The following ARAP2 variants were observed in gnomAD, a reference collection of about 807,000 sequenced individuals.
ARAP2 encodes the protein arf-GAP with Rho-GAP domain, ANK repeat and PH domain-containing protein 2.
Under a neutral mutation model 194.5 loss-of-function variants are expected in ARAP2, and 148 were observed. The observed-to-expected ratio is 0.76, with a 90% confidence interval of 0.67 to 0.87. The LOEUF is 0.87. Among genes scored for constraint, ARAP2 ranks in the 40% least tolerant of loss-of-function variants. The probability of loss-of-function intolerance (pLI) is 0.00; values close to 1 mark genes in which losing one functional copy is unlikely to be tolerated. For synonymous variants in ARAP2, 695 were observed against 683.5 expected (o/e 1.02, Z -0.26); for missense variants, 2,128 against 1,989.7 (o/e 1.07, Z -1.32).
chr4:36,072,690 C>CCCCAAAAAAACA (rs1727307373), intron 32 of ARAP2, among the ~76,000 whole-genome samples: 1 of 141,222 alleles, frequency 7.1e-6, no homozygotes, highest in East Asian at 2.0e-4. Flanking sequence ...CCAAAAAAAA[C>CCCCAAAAAAACA]AAAAAAAAAA....
Position 36,068,192 on chromosome 4 carries a change from G to A in ARAP2, c.4830C>T (p.Ser1610=). Residue 1610 remains serine (S), a synonymous_variant, in exon 33 of 33, where the codon TCC becomes TCT. Coordinates refer to ENST00000303965, the MANE Select transcript of ARAP2 (RefSeq NM_015230.4). ...TGTGCTCCAGGCAGTGGGCCACCAT[G>A]GAAGCTCTCTCCTTTAAGCTAGAGT... is the stretch of plus-strand genomic sequence containing the variant. ...SVDSSLKERA[S]MVAHCLEHKD... The A allele has an allele frequency of 6.2e-7, 1 of 1,613,864 alleles. No homozygotes were observed. Among genetic ancestry groups the A allele is most frequent in the African/African-American group, 1.3e-5 (1 of 75,020 alleles).
At chr4:36,122,291 C>A (rs1035489552) in intron 22 of ARAP2, among the ~76,000 whole-genome samples, 1 of 151,706 alleles carries the variant, frequency 6.6e-6, no homozygotes, top group African/African-American at 2.4e-5. Context: ...GAATATAAAT[C>A]ATTATATTAT....
At chr4:36,217,802 A>T (rs770833430) in intron 2 of ARAP2, among the ~76,000 whole-genome samples, 1 of 151,426 alleles carries the variant, frequency 6.6e-6, no homozygotes, top group Non-Finnish European at 1.5e-5. Flanking sequence ...AATACTAGAT[A>T]TATGATAATA....
chr4:36,070,524 G>C (rs1726593289), intron 32 of ARAP2, among the ~76,000 whole-genome samples: 1 of 152,204 alleles, frequency 6.6e-6, no homozygotes. Flanking sequence ...GTCTCTCCCA[G>C]TGGCAGACAG....
chr4:36,180,445 A>G (rs977909846), intron 8 of ARAP2, among the ~76,000 whole-genome samples: 3 of 152,230 alleles, frequency 2.0e-5, no homozygotes, highest in Non-Finnish European at 4.4e-5. Flanking sequence ...TTCCATCTAC[A>G]TAAACAGATC....
intron 19 of ARAP2, among the ~76,000 whole-genome samples, chr4:36,145,177 G>T (rs1463282293): frequency 6.6e-6 from 1 of 151,584 alleles, no homozygotes; most frequent in Non-Finnish European, 1.5e-5. Context: ...CCACTACTAG[G>T]TATCTATCCA....
At chr4:36,092,822 T>C (rs905076281) in intron 27 of ARAP2, among the ~76,000 whole-genome samples, 1 of 152,066 alleles carries the variant, frequency 6.6e-6, no homozygotes, top group Non-Finnish European at 1.5e-5. Flanking sequence ...GTATAAACAA[T>C]GCAAATGCGC....
intron 5 of ARAP2, among the ~76,000 whole-genome samples, chr4:36,042,537 C>A (rs35267758): frequency 0.073 from 11,178 of 152,218 alleles, 564 homozygotes; most frequent in Middle Eastern, 0.19. Context: ...AAAGATTAGG[C>A]ACTTGTAACT....
intron 26 of ARAP2, among the ~76,000 whole-genome samples, chr4:36,112,479 A>G (rs759414346): frequency 4.6e-5 from 7 of 151,978 alleles, no homozygotes; most frequent in Non-Finnish European, 1.0e-4. Context: ...TGTAATGTGG[A>G]AAGATATTTC....
chr4:36,042,610 T>C (rs527449952), intron 5 of ARAP2, among the ~76,000 whole-genome samples: 5 of 152,336 alleles, frequency 3.3e-5, no homozygotes, highest in African/African-American at 1.2e-4. Flanking sequence ...TCCTACACTG[T>C]TTCTATTTTT....
chr4:36,128,475 T>TAC (rs1384155506), intron 21 of ARAP2, 58 bp downstream of exon 21: 6 of 256,430 alleles, frequency 2.3e-5, no homozygotes, highest in Non-Finnish European at 3.2e-5. Flanking sequence ...TGGTCTATAT[T>TAC]ATACACACAC....
chr4:36,111,115 A>G (rs903235848), intron 26 of ARAP2, among the ~76,000 whole-genome samples: 1 of 152,022 alleles, frequency 6.6e-6, no homozygotes, highest in African/African-American at 2.4e-5. Flanking sequence ...CTTAAAATCT[A>G]GCATTCTGGC....
chr4:36,221,176 C>T (rs949425353), intron 2 of ARAP2, among the ~76,000 whole-genome samples: 1 of 152,012 alleles, frequency 6.6e-6, no homozygotes, highest in African/African-American at 2.4e-5. Context: ...GAAGAGTAGG[C>T]TCTACCATAT....
intron 9 of ARAP2, 106 bp downstream of exon 9, chr4:36,177,721 T>C (rs4832797): frequency 0.91 from 1,094,314 of 1,205,934 alleles, 497,073 homozygotes; most frequent in East Asian, 1. Flanking sequence ...TACACAATGC[T>C]AAAACAAGAC....
chr4:36,014,272 A>C (rs901879994), intron 8 of ARAP2, among the ~76,000 whole-genome samples: 1 of 145,588 alleles, frequency 6.9e-6, no homozygotes, highest in African/African-American at 2.6e-5. Context: ...AAAGAAAGAA[A>C]GAAAGAAAGA....
chr4:36,080,396 A>G, intron 30 of ARAP2, 117 bp from the exon 31 acceptor site: 2 of 742,184 alleles, frequency 2.7e-6, no homozygotes, highest in Non-Finnish European at 2.3e-6. Flanking sequence ...TTAATGACGT[A>G]ATGCAATCAC....
intron 3 of ARAP2, among the ~76,000 whole-genome samples, chr4:36,214,094 C>T (rs73128489): frequency 0.047 from 7,118 of 152,136 alleles, 257 homozygotes; most frequent in African/African-American, 0.11. Flanking sequence ...AATCACTTTC[C>T]GTACATATAT....
intron 31 of ARAP2, among the ~76,000 whole-genome samples, chr4:36,079,425 T>C (rs892286694): frequency 2.0e-5 from 3 of 152,098 alleles, no homozygotes; most frequent in African/African-American, 7.2e-5. Context: ...TTATTTCTTA[T>C]AAGGGAAACA....
In ARAP2 at chr4:36,176,643, G is replaced by A. The variant is rs185679365; in HGVS notation, c.1857+1184C>T. On this transcript the variant is annotated intron_variant, in intron 9 of 32. Transcript: ENST00000303965. Reference sequence around the variant, plus strand: ...AAAGTTGTAATCATCTTATTTTGTAGACTGAAATGTTCATATTCAATTTGT... The same window carrying A: ...AAAGTTGTAATCATCTTATTTTGTAAACTGAAATGTTCATATTCAATTTGT... 5.2e-3 allele frequency among the ~76,000 whole-genome samples: 793 copies of A among 152,120 alleles called. 26 individuals are homozygous for A. Among genetic ancestry groups the A allele is most frequent in the Admixed American group, 0.046 (702 of 15,272 alleles).
Sources: allele counts gnomAD v4.1 joint callset (sites outside exome capture counted in the v4.1 genomes callset), GRCh38; gene constraint gnomAD v4.1.1; transcripts MANE v1.5; gene names NCBI Gene and HGNC (gene_info 2026-07-23, HGNC 2026-07-21).